KLF12: variants seen among roughly 807,000 people sequenced by gnomAD.
The protein encoded by KLF12 is KLF transcription factor 12, also known as Krueppel-like factor 12.
Under a neutral mutation model 37.8 loss-of-function variants are expected in KLF12, and 9 were observed. That is an observed-to-expected ratio of 0.24 (90% confidence interval 0.14 to 0.42). KLF12 has a LOEUF of 0.42. KLF12 is among the 10% of genes least tolerant of loss of function. KLF12 has a pLI of 1.00. For synonymous variants in KLF12, 208 were observed against 202.1 expected, an observed-to-expected ratio of 1.03 and a Z score of -0.25; for missense variants, 411 against 516.0, an observed-to-expected ratio of 0.80 and a Z score of 1.97.
upstream of KLF12, among the ~76,000 whole-genome samples, chr13:74,136,638 C>T (rs1171730106): frequency 6.6e-6 from 1 of 152,158 alleles, no homozygotes; most frequent in Non-Finnish European, 1.5e-5. Context: ...GCAAACTGCA[C>T]TGCCTTCCTA....
chr13:73,952,505 C>A (rs377276061), intron 2 of KLF12, among the ~76,000 whole-genome samples: 154 of 152,284 alleles, frequency 1.0e-3, no homozygotes, highest in Middle Eastern at 3.4e-3. Context: ...TCCCATCAGG[C>A]CCCACCTTCA....
the KLF12 span, among the ~76,000 whole-genome samples, chr13:74,147,004 T>C: frequency 6.6e-6 from 1 of 152,200 alleles, no homozygotes; most frequent in African/African-American, 2.4e-5. Context: ...CTTGCCAAGA[T>C]TGTGTAGCCC....
the KLF12 span, among the ~76,000 whole-genome samples, chr13:74,251,194 C>T: frequency 6.6e-6 from 1 of 152,076 alleles, no homozygotes; most frequent in South Asian, 2.1e-4. Flanking sequence ...TTCTATCACC[C>T]AGGCTGGAGT....
intron 3 of KLF12, among the ~76,000 whole-genome samples, chr13:73,852,383 G>A (rs1328587449): frequency 6.6e-6 from 1 of 152,210 alleles, no homozygotes; most frequent in East Asian, 1.9e-4. Flanking sequence ...CTGATAACCT[G>A]GAATTTGGTT....
In KLF12 at chr13:73,737,311, A is replaced by G. The variant is rs373908185; in HGVS notation, c.870-21786T>C. Among the ~76,000 whole-genome samples the G allele has an allele frequency of 2.8e-4, 43 of 152,268 alleles. 1 individual carries two copies. The South Asian group carries it at 3.7e-3, about 13-fold the overall frequency. ...TAAAAAGAATTTTATCTGGAATCAG[A>G]TTTATTTATTCTTCAAATTTACTTC... On this transcript the variant is annotated intron_variant, in intron 6 of 7. Transcript: ENST00000377669.
chr13:73,727,187 T>C (rs1031226598), intron 6 of KLF12, among the ~76,000 whole-genome samples: 1 of 152,222 alleles, frequency 6.6e-6, no homozygotes, highest in African/African-American at 2.4e-5. Flanking sequence ...ATCAGATATA[T>C]AATTCTCAAA....
intron 6 of KLF12, among the ~76,000 whole-genome samples, chr13:73,764,481 A>ATT (rs1879777077): frequency 1.3e-5 from 2 of 149,902 alleles, no homozygotes; most frequent in African/African-American, 2.4e-5. Context: ...CCAAATTAAA[A>ATT]AAAAAAAAAA....
intron 1 of KLF12, among the ~76,000 whole-genome samples, chr13:74,004,489 T>A (rs1349584674): frequency 6.6e-6 from 1 of 152,196 alleles, no homozygotes; most frequent in East Asian, 1.9e-4. Flanking sequence ...TCTTCATGAT[T>A]TTAAGTACTG....
chr13:73,968,827 G>A (rs1471403315), intron 2 of KLF12, among the ~76,000 whole-genome samples: 8 of 151,880 alleles, frequency 5.3e-5, no homozygotes, highest in South Asian at 4.2e-4. Context: ...CTTCTCCCTC[G>A]ACACGTTGAT....
the KLF12 span, among the ~76,000 whole-genome samples, chr13:74,190,402 A>G: frequency 2.6e-5 from 4 of 152,340 alleles, 1 homozygote; most frequent in East Asian, 7.7e-4. Flanking sequence ...TACAGCTTAC[A>G]CTAAGGCTGA....
At chr13:73,713,781 T>C (rs1028532130) in intron 7 of KLF12, among the ~76,000 whole-genome samples, 2 of 152,240 alleles carry the variant, frequency 1.3e-5, no homozygotes, top group African/African-American at 4.8e-5. Context: ...TTTTCCTCTC[T>C]TTCACTGTTC....
At chr13:74,245,809 T>C in the KLF12 span, among the ~76,000 whole-genome samples, 1 of 152,130 alleles carries the variant, frequency 6.6e-6, no homozygotes, top group Non-Finnish European at 1.5e-5. Context: ...CTCTTGTAAA[T>C]AAGAGGGGAC....
the KLF12 span, among the ~76,000 whole-genome samples, chr13:74,166,280 C>G: frequency 6.6e-6 from 1 of 151,846 alleles, no homozygotes; most frequent in Non-Finnish European, 1.5e-5. Flanking sequence ...TTTGCACAGA[C>G]AGGGTTTTGC....
chr13:74,197,833 C>A, the KLF12 span, among the ~76,000 whole-genome samples: 1 of 151,974 alleles, frequency 6.6e-6, no homozygotes, highest in African/African-American at 2.4e-5. Flanking sequence ...TGAGGCTCCC[C>A]ACCCATTTTG....
intron 3 of KLF12, among the ~76,000 whole-genome samples, chr13:73,942,729 G>C (rs186897194): frequency 1.3e-5 from 2 of 152,222 alleles, no homozygotes; most frequent in East Asian, 3.9e-4. Context: ...ATCATGTATA[G>C]GACTGTGGAG....
Position 73,763,953 on chromosome 13 carries a change from T to C in KLF12, c.869+985A>G, listed in dbSNP as rs116091115. ...ATCGCCAAGCTATTGTGAGAATTAA[T>C]TAGATTTCGTGGGGGAAGGGAGGTG... On this transcript the variant is annotated intron_variant, in intron 6 of 7. Coordinates refer to ENST00000377669, the MANE Select transcript of KLF12 (RefSeq NM_007249.5). 2.2e-3 allele frequency among the ~76,000 whole-genome samples: 340 copies of C among 152,230 alleles called. 2 individuals are homozygous for C. Among genetic ancestry groups the C allele is most frequent in the African/African-American group, 7.8e-3 (323 of 41,544 alleles).
the KLF12 span, among the ~76,000 whole-genome samples, chr13:74,302,218 C>T: frequency 6.6e-6 from 1 of 152,206 alleles, no homozygotes; most frequent in South Asian, 2.1e-4. Context: ...ACAAAGCAAA[C>T]CCCATTTCTA....
intron 4 of KLF12, among the ~76,000 whole-genome samples, chr13:73,826,389 A>T (rs1020420107): frequency 4.6e-5 from 7 of 152,188 alleles, no homozygotes; most frequent in Admixed American, 6.5e-5. Flanking sequence ...AATATAAACA[A>T]CCATTTAACA....
At chr13:73,783,816 C>T (rs1029577066) in intron 5 of KLF12, among the ~76,000 whole-genome samples, 2 of 152,048 alleles carry the variant, frequency 1.3e-5, no homozygotes, top group Non-Finnish European at 2.9e-5. Context: ...TTTTATAAAT[C>T]GTACCATCTT....
Sources: gnomAD v4.1 joint callset for allele counts (sites outside exome capture counted in the v4.1 genomes callset) on GRCh38, gnomAD v4.1.1 for gene constraint, MANE v1.5 for transcripts, NCBI Gene and HGNC (gene_info 2026-07-23, HGNC 2026-07-21) for gene names.